TIAM2: variants seen among roughly 807,000 people sequenced by gnomAD.
The protein encoded by TIAM2 is TIAM Rac1 associated GEF 2, also known as rho guanine nucleotide exchange factor TIAM2.
Under a neutral mutation model 152.9 loss-of-function variants are expected in TIAM2, and 80 were observed. The observed-to-expected ratio is 0.52, with a 90% CI of 0.44 to 0.63. The LOEUF (loss-of-function observed/expected upper bound fraction) is 0.63, where lower values mean the gene tolerates loss of function less well. Ranked by LOEUF, TIAM2 falls within the 30% of genes least tolerant of loss-of-function variation. The pLI is 0.00. For missense variants in TIAM2, 1,965 were observed against 2,120.1 expected (o/e 0.93, Z 1.44); for synonymous variants, 804 against 838.0 (o/e 0.96, Z 0.70).
intron 2 of TIAM2, among the ~76,000 whole-genome samples, chr6:155,108,606 T>C (rs1186933223): frequency 6.6e-6 from 1 of 152,186 alleles, no homozygotes; most frequent in Non-Finnish European, 1.5e-5. Flanking sequence ...GGGAGTGACT[T>C]TCCAAAGCCC....
At chr6:155,115,977 C>T (rs1016301327) in intron 2 of TIAM2, among the ~76,000 whole-genome samples, 6 of 152,076 alleles carry the variant, frequency 3.9e-5, no homozygotes, top group South Asian at 2.1e-4. Flanking sequence ...CTGGATGTAA[C>T]GGTGTGTGCC....
chr6:155,241,325 C>A (rs555755357), intron 16 of TIAM2, among the ~76,000 whole-genome samples: 20 of 152,298 alleles, frequency 1.3e-4, no homozygotes, highest in African/African-American at 4.1e-4. Context: ...GAGCAGAGTT[C>A]TTTTGCTTTG....
chr6:155,252,865 C>G lies in TIAM2; in HGVS notation c.4120-83C>G, dbSNP rs572058142. ...CTCGGAGACTCGCCCACAGGGAGAA[C>G]ATAAACTTCTATTCACTGTGCACAC... On this transcript the variant is annotated intron_variant, in intron 23 of 26. Coordinates refer to ENST00000682666, the MANE Select transcript of TIAM2 (RefSeq NM_012454.4). 58 of 1,286,902 alleles carry G rather than the reference C, an allele frequency of 4.5e-5. No homozygotes were observed. The South Asian group carries it at 7.2e-4, about 16-fold the overall frequency. 79.7% of individuals were successfully genotyped at this position (1,286,902 alleles called of 1,614,324 possible).
chr6:155,157,470 T>C (rs979442790), intron 7 of TIAM2, among the ~76,000 whole-genome samples: 1 of 151,830 alleles, frequency 6.6e-6, no homozygotes, highest in Non-Finnish European at 1.5e-5. Flanking sequence ...TTTTTAGAAT[T>C]AAAAATTTTT....
chr6:155,077,974 A>G (rs138117488), intron 1 of TIAM2, among the ~76,000 whole-genome samples: 1 of 152,336 alleles, frequency 6.6e-6, no homozygotes, highest in African/African-American at 2.4e-5. Flanking sequence ...CTTTGCAATT[A>G]ATCCTTGCTC....
chr6:155,141,666 G>T lies in TIAM2; in HGVS notation c.1631-2940G>T, dbSNP rs116691252. Among the ~76,000 whole-genome samples, 1,151 of 152,202 alleles carry T rather than the reference G, an allele frequency of 7.6e-3. 9 individuals are homozygous for T. Among genetic ancestry groups the T allele is most frequent in the East Asian group, 0.017 (88 of 5,170 alleles). On this transcript the variant is annotated intron_variant, in intron 5 of 26. Transcript: ENST00000682666. Reference sequence around the variant, plus strand: ...CATGCAGTTCACTGGGGACTTCCTGGGCTGAAGAGTTGGCAAGGTCATTAA... The same window carrying T: ...CATGCAGTTCACTGGGGACTTCCTGTGCTGAAGAGTTGGCAAGGTCATTAA...
chr6:155,086,771 C>G (rs925482864), intron 1 of TIAM2, among the ~76,000 whole-genome samples: 1 of 150,838 alleles, frequency 6.6e-6, no homozygotes, highest in African/African-American at 2.4e-5. Flanking sequence ...CTGCAGCTTC[C>G]TCTTTAACTC....
At chr6:155,151,049 G>T in intron 7 of TIAM2, among the ~76,000 whole-genome samples, 1 of 152,210 alleles carries the variant, frequency 6.6e-6, no homozygotes, top group South Asian at 2.1e-4. Context: ...ATAGGCACAG[G>T]ATTGGTCACA....
chr6:155,097,295 G>A (rs1778436022), intron 2 of TIAM2, among the ~76,000 whole-genome samples: 1 of 152,068 alleles, frequency 6.6e-6, no homozygotes, highest in Admixed American at 6.6e-5. Flanking sequence ...CCCATTTTGT[G>A]GGTTGTCTCT....
chr6:155,195,232 G>T lies in TIAM2; in HGVS notation c.3064+11732G>T, dbSNP rs138073259. 5.7e-3 allele frequency among the ~76,000 whole-genome samples: 864 copies of T among 152,214 alleles called. 9 individuals are homozygous for T. The highest frequency in any genetic ancestry group is 0.019 in the African/African-American group (785 of 41,534). On this transcript the variant is annotated intron_variant, in intron 14 of 26. Coordinates refer to ENST00000682666, the MANE Select transcript of TIAM2 (RefSeq NM_012454.4). ...TGTTTATAGCTTGAGATTGAATCCG[G>T]GTGCAAATAATTTGAGAAGTTTTTG...
In TIAM2 at chr6:155,028,459, AAT is replaced by A. The variant is rs994471745; in HGVS notation, c.-209+32975_-209+32976del. 3.3e-4 allele frequency among the ~76,000 whole-genome samples: 45 copies of A among 135,650 alleles called. 1 individual carries two copies. The highest frequency in any genetic ancestry group is 1.2e-3 in the African/African-American group (45 of 38,282). The allele number at this position is 135,650 out of a possible 152,430, so 89.0% of individuals were successfully genotyped here. A position where few individuals can be genotyped will look rare whatever the true frequency, so the allele number is the denominator to read the frequency against. ...ATACTGTGTTACATATACTACATAT[AAT>A]ATATATACTGTGTTACATATACTAC... On this transcript the variant is annotated intron_variant, in intron 1 of 26. Transcript: ENST00000682666.
At position 155,020,811 on chromosome 6, in the gene TIAM2, C is replaced by T. The variant is rs1216811743; in HGVS notation, c.-209+25319C>T. Among the ~76,000 whole-genome samples the T allele has an allele frequency of 2.0e-5, 3 of 152,208 alleles. No homozygotes were observed. In the East Asian group the frequency reaches 5.8e-4, roughly 29 times the overall value. On this transcript the variant is annotated intron_variant, in intron 1 of 26. Transcript: ENST00000682666. ...AGTTGAGTACATTCACATTATTGTG[C>T]AGCCCTCACCACTATCCATCTCCAG...
intron 18 of TIAM2, 68 bp from the exon 19 acceptor site, chr6:155,245,555 C>A: frequency 7.5e-7 from 1 of 1,337,782 alleles, no homozygotes; most frequent in Non-Finnish European, 1.1e-6. Context: ...ATGGGGCCGT[C>A]AAATGCCATA....
At chr6:155,034,947 T>C (rs1487819635) in intron 1 of TIAM2, among the ~76,000 whole-genome samples, 1 of 152,212 alleles carries the variant, frequency 6.6e-6, no homozygotes, top group African/African-American at 2.4e-5. Context: ...TTAATATTTT[T>C]TAATGTTTAC....
chr6:155,040,711 GT>G (rs1777010557), intron 1 of TIAM2, among the ~76,000 whole-genome samples: 1 of 152,036 alleles, frequency 6.6e-6, no homozygotes, highest in Admixed American at 6.6e-5. Flanking sequence ...TAGAGATGGG[GT>G]TTCACCGTGT....
intron 2 of TIAM2, among the ~76,000 whole-genome samples, chr6:155,092,984 C>G (rs1169501942): frequency 6.6e-6 from 1 of 152,096 alleles, no homozygotes; most frequent in Non-Finnish European, 1.5e-5. Flanking sequence ...ATGAGATCAC[C>G]AGAAAGAATA....
chr6:155,084,047 G>C (rs190677743), intron 1 of TIAM2, among the ~76,000 whole-genome samples: 1 of 152,344 alleles, frequency 6.6e-6, no homozygotes, highest in East Asian at 1.9e-4. Flanking sequence ...TAAGAGGAGT[G>C]TCAGAGAACT....
intron 1 of TIAM2, among the ~76,000 whole-genome samples, chr6:155,016,917 A>G (rs1778600037): frequency 6.6e-6 from 1 of 152,204 alleles, no homozygotes; most frequent in Admixed American, 6.6e-5. Context: ...AAATCAATAA[A>G]TAAAAATCAA....
At chr6:155,146,315 A>C (rs1193392356) in intron 6 of TIAM2, among the ~76,000 whole-genome samples, 2 of 152,180 alleles carry the variant, frequency 1.3e-5, no homozygotes, top group Non-Finnish European at 2.9e-5. Flanking sequence ...CAGGAGGTCA[A>C]GGTTACAATG....
Sources: allele counts gnomAD v4.1 joint callset (sites outside exome capture counted in the v4.1 genomes callset), GRCh38; gene constraint gnomAD v4.1.1; transcripts MANE v1.5; gene names NCBI Gene and HGNC (gene_info 2026-07-23, HGNC 2026-07-21).